GPR160: variants seen among roughly 807,000 people sequenced by gnomAD.
GPR160 encodes the protein G protein-coupled receptor 160.
In GPR160, 2 loss-of-function variants were observed where a neutral mutation model predicts 2.6. The ratio of observed to expected loss-of-function variants is 0.77; its 90% CI spans 0.32 to 2.44. GPR160 has a LOEUF of 2.44. Ranked by LOEUF, GPR160 falls within the 30% of genes most tolerant of loss-of-function variation. The probability of loss-of-function intolerance (pLI) is 0.11; values close to 1 mark genes in which losing one functional copy is unlikely to be tolerated. For missense variants in GPR160, 351 were observed against 383.6 expected, an observed-to-expected ratio of 0.91 and a Z score of 0.71; for synonymous variants, 130 against 132.2, an observed-to-expected ratio of 0.98 and a Z score of 0.12.
chr3:170,071,786 ACT>A, intron 2 of GPR160, among the ~76,000 whole-genome samples: 1 of 152,186 alleles, frequency 6.6e-6, no homozygotes, highest in African/African-American at 2.4e-5. Flanking sequence ...ACAGAGCAAG[ACT>A]CTGTATCACC....
In GPR160 at chr3:170,038,351, C is replaced by T. The variant is rs1396783315; in HGVS notation, c.-322+136C>T. On this transcript the variant is annotated intron_variant, in intron 1 of 3. Coordinates refer to ENST00000355897, the MANE Select transcript of GPR160 (RefSeq NM_014373.3). This position sits in a 1 kb window ranked among gnomAD's most constrained non-coding sequence, Gnocchi z 5.3. ...GCGCGCCTGGGAGGGGAAGGAATTT[C>T]CTTTGCAGGAACTCAGGGGCTGGGG... 1 of 152,036 alleles carries T rather than the reference C, an allele frequency of 6.6e-6. No individual in the cohort carries two copies. The highest frequency in any genetic ancestry group is 6.5e-5 in the Admixed American group (1 of 15,278). 9.4% of individuals were successfully genotyped at this position (152,036 alleles called of 1,614,324 possible).
chr3:170,059,849 C>G (rs9872829), intron 2 of GPR160, among the ~76,000 whole-genome samples: 9 of 152,218 alleles, frequency 5.9e-5, no homozygotes, highest in South Asian at 2.1e-4. Flanking sequence ...CCCACTCCCC[C>G]CTCTAGCAGG....
At chr3:170,040,030 G>T (rs1335080394) in intron 2 of GPR160, among the ~76,000 whole-genome samples, 4 of 151,996 alleles carry the variant, frequency 2.6e-5, no homozygotes, top group African/African-American at 7.3e-5. Flanking sequence ...GTCGGAGGGT[G>T]GGGGGAAAGG....
At chr3:170,077,861 A>AG (rs1343124296) in intron 2 of GPR160, 1 of 163,728 alleles carries the variant, frequency 6.1e-6, no homozygotes, top group East Asian at 1.8e-4. Context: ...GGACAGACCC[A>AG]GCAGCTGGTG....
Position 170,059,236 on chromosome 3 carries a change from A to T in GPR160, c.-193+20193A>T, listed in dbSNP as rs552513339. Among the ~76,000 whole-genome samples, 12 of 152,378 alleles carry T rather than the reference A, an allele frequency of 7.9e-5. No individual in the cohort carries two copies. The East Asian group carries it at 2.3e-3, about 29-fold the overall frequency. On this transcript the variant is annotated intron_variant, in intron 2 of 3. Coordinates refer to ENST00000355897, the MANE Select transcript of GPR160 (RefSeq NM_014373.3). ...ACATATTCAATTATATAAAATTAAA[A>T]TGAACTAAAAATAATGAAAACAAAG...
intron 2 of GPR160, among the ~76,000 whole-genome samples, chr3:170,078,308 G>A (rs1462728292): frequency 1.3e-5 from 2 of 152,026 alleles, no homozygotes; most frequent in African/African-American, 4.8e-5. Flanking sequence ...TACTGCCTCC[G>A]CCTCCTCCCC....
chr3:170,041,298 ATTT>A (rs764849488), intron 2 of GPR160, among the ~76,000 whole-genome samples: 6 of 120,864 alleles, frequency 5.0e-5, no homozygotes, highest in African/African-American at 6.5e-5. Flanking sequence ...GGATGTAAAG[ATTT>A]TTTTTTTTTT....
rs1407292594 is a variant in GPR160 at position 170,062,248 on chromosome 3, G to GGAA, written c.-192-17523_-192-17521dup. Reference sequence around the variant, plus strand: ...TCCCCAGGGTCCCCCTCTCCAGGCAGGAAGATGTCCAAGTCCCGTGCGGCG... The same window carrying GGAA: ...TCCCCAGGGTCCCCCTCTCCAGGCAGGAAGAAGATGTCCAAGTCCCGTGCGGCG... On this transcript the variant is annotated intron_variant, in intron 2 of 3. Coordinates refer to ENST00000355897, the MANE Select transcript of GPR160 (RefSeq NM_014373.3). 10 of 183,952 alleles carry GGAA rather than the reference G, an allele frequency of 5.4e-5. No homozygotes were observed. In the Admixed American group the frequency reaches 6.1e-4, roughly 11 times the overall value. The allele number at this position is 183,952 out of a possible 1,614,324, so 11.4% of individuals were successfully genotyped here.
At chr3:170,073,273 G>A (rs9682052) in intron 2 of GPR160, among the ~76,000 whole-genome samples, 39,820 of 151,854 alleles carry the variant, frequency 0.26, 5,897 homozygotes, top group East Asian at 0.58. Flanking sequence ...GATTGCAAAC[G>A]ATTTCTTCTG....
At chr3:170,054,837 G>T (rs1324649184) in intron 2 of GPR160, among the ~76,000 whole-genome samples, 4 of 149,912 alleles carry the variant, frequency 2.7e-5, no homozygotes, top group Non-Finnish European at 4.4e-5. Context: ...TCTGTCACCC[G>T]GGGTGGAATG....
chr3:170,042,037 G>A (rs1390387434), intron 2 of GPR160, among the ~76,000 whole-genome samples: 1 of 152,162 alleles, frequency 6.6e-6, no homozygotes, highest in Non-Finnish European at 1.5e-5. Context: ...TGGCTCCCTT[G>A]TTGGGCTAGA....
At chr3:170,063,577 T>G in intron 2 of GPR160, among the ~76,000 whole-genome samples, 1 of 66,052 alleles carries the variant, frequency 1.5e-5, no homozygotes, top group South Asian at 4.7e-4. Flanking sequence ...AAAAAAAACC[T>G]CAGCACAGGA....
intron 2 of GPR160, among the ~76,000 whole-genome samples, chr3:170,059,850 C>G (rs6774747): frequency 0.33 from 49,744 of 151,784 alleles, 8,453 homozygotes; most frequent in East Asian, 0.6. Flanking sequence ...CCACTCCCCC[C>G]TCTAGCAGGC....
chr3:170,084,370 A>C lies in GPR160; in HGVS notation c.398A>C (p.Lys133Thr). The change falls in exon 4 of 4, where the codon AAG becomes ACG. Residue 133 changes from lysine (K) to threonine (T), a missense_variant. Lys to Thr is a moderately conservative substitution (Grantham distance 78). Coordinates refer to ENST00000355897, the MANE Select transcript of GPR160 (RefSeq NM_014373.3). ...NFSKTTKLSF[K>T]CQKLFYFFTV... ...TCTAAAACAACCAAGCTTTCATTTA[A>C]GTGTCAAAAATTATTTTATTTCTTT... The C allele has an allele frequency of 6.2e-7, 1 of 1,608,796 alleles. No individual in the cohort carries two copies. The highest frequency in any genetic ancestry group is 8.5e-7 in the Non-Finnish European group (1 of 1,176,124).
At chr3:170,071,393 C>T (rs1375791397) in intron 2 of GPR160, among the ~76,000 whole-genome samples, 2 of 152,210 alleles carry the variant, frequency 1.3e-5, no homozygotes, top group African/African-American at 4.8e-5. Context: ...GCCTGTTCCC[C>T]TTTTGCCTTC....
intron 2 of GPR160, among the ~76,000 whole-genome samples, chr3:170,061,606 A>G (rs17471922): frequency 0.13 from 19,055 of 152,194 alleles, 1,241 homozygotes; most frequent in Middle Eastern, 0.16. Context: ...ATAAATCATC[A>G]TAGGAAAAAT....
At chr3:170,064,787 G>C (rs1285316337) in intron 2 of GPR160, among the ~76,000 whole-genome samples, 1 of 151,960 alleles carries the variant, frequency 6.6e-6, no homozygotes, top group Non-Finnish European at 1.5e-5. Context: ...CAAAGTGCTG[G>C]GATTACAGGC....
chr3:170,062,853 C>T (rs73028702), intron 2 of GPR160: 45 of 493,418 alleles, frequency 9.1e-5, no homozygotes, highest in African/African-American at 8.3e-4. Context: ...TGAAGACTGA[C>T]CTCATCAATG....
intron 2 of GPR160, among the ~76,000 whole-genome samples, chr3:170,065,490 T>C (rs1712277741): frequency 6.6e-6 from 1 of 152,256 alleles, no homozygotes; most frequent in African/African-American, 2.4e-5. Context: ...TCTCTTCTAA[T>C]GCATCCCATT....
Sources: allele counts gnomAD v4.1 joint callset (sites outside exome capture counted in the v4.1 genomes callset), GRCh38; gene constraint gnomAD v4.1.1; non-coding constraint Gnocchi (gnomAD v3.1); transcripts MANE v1.5; gene names NCBI Gene and HGNC (gene_info 2026-07-23, HGNC 2026-07-21).